Variants in RASGRF2 observed in about 807,000 individuals in gnomAD.
RASGRF2 encodes ras-specific guanine nucleotide-releasing factor 2.
Under a neutral mutation model 151.0 loss-of-function variants are expected in RASGRF2, and 76 were observed. The ratio of observed to expected loss-of-function variants is 0.50; its 90% CI spans 0.42 to 0.61. The LOEUF (loss-of-function observed/expected upper bound fraction) is 0.61, where lower values mean the gene tolerates loss of function less well. RASGRF2 is among the 20% of genes least tolerant of loss of function. RASGRF2 has a pLI of 0.00. For missense variants in RASGRF2, 1,148 were observed against 1,564.6 expected (o/e 0.73, Z 4.49); for synonymous variants, 504 against 566.5 (o/e 0.89, Z 1.57).
rs774591524 is a variant in RASGRF2, at chr5:81,086,940, G to C, written c.1377G>C (p.Thr459=). 2 of 1,613,396 alleles carry C rather than the reference G, an allele frequency of 1.2e-6. No individual in the cohort carries two copies. The highest frequency in any genetic ancestry group is 1.7e-6 in the Non-Finnish European group (2 of 1,179,354). Residue 459 remains threonine, a synonymous_variant, in exon 9 of 27, where the codon ACG becomes ACC. Transcript: ENST00000265080. ...ACATCTTGCTGGACACCAGCCAAAC[G>C]TTCATCCGCCAAGGTAAGTCCCTGT... ...GCDILLDTSQ[T]FIRQGSLIQV...
chr5:81,074,322 G>C (rs1010593991), intron 5 of RASGRF2, among the ~76,000 whole-genome samples: 8 of 152,124 alleles, frequency 5.3e-5, no homozygotes, highest in African/African-American at 1.9e-4. Context: ...ATAAAGAAGG[G>C]AATGGGAGAA....
intron 2 of RASGRF2, among the ~76,000 whole-genome samples, chr5:81,057,014 ATGTG>A (rs1252068266): frequency 6.6e-6 from 1 of 152,008 alleles, no homozygotes; most frequent in Non-Finnish European, 1.5e-5. Flanking sequence ...TTTTGAGCCT[ATGTG>A]TGTCTCTGCA....
chr5:80,977,924 T>TG (rs1359123147), intron 1 of RASGRF2, among the ~76,000 whole-genome samples: 1 of 152,200 alleles, frequency 6.6e-6, no homozygotes, highest in Non-Finnish European at 1.5e-5. Flanking sequence ...AGCATGTTTA[T>TG]GAGTCTGGGG....
At chr5:81,018,085 G>A (rs976424171) in intron 1 of RASGRF2, among the ~76,000 whole-genome samples, 19 of 151,446 alleles carry the variant, frequency 1.3e-4, no homozygotes, top group African/African-American at 4.4e-4. Context: ...CTCCAGCCTG[G>A]ATGACAGAGC....
At chr5:80,988,008 CGTGT>C (rs58750663) in intron 1 of RASGRF2, among the ~76,000 whole-genome samples, 13,579 of 139,310 alleles carry the variant, frequency 0.097, 635 homozygotes, top group African/African-American at 0.12. Context: ...AATAAATGTG[CGTGT>C]GTGTGTGTGT....
At chr5:81,074,721 A>C (rs756291948) in intron 5 of RASGRF2, among the ~76,000 whole-genome samples, 2 of 152,192 alleles carry the variant, frequency 1.3e-5, no homozygotes, top group Non-Finnish European at 2.9e-5. Flanking sequence ...CAATCTGTGA[A>C]TGTACCATAG....
intron 12 of RASGRF2, among the ~76,000 whole-genome samples, chr5:81,102,314 C>G (rs997510352): frequency 6.6e-6 from 1 of 152,100 alleles, no homozygotes; most frequent in Non-Finnish European, 1.5e-5. Flanking sequence ...AAAAAAGAAC[C>G]TAAAAAACTG....
chr5:81,027,902 C>T (rs539426875), intron 1 of RASGRF2, among the ~76,000 whole-genome samples: 3 of 152,226 alleles, frequency 2.0e-5, no homozygotes, highest in Non-Finnish European at 2.9e-5. Context: ...ATGTTGAGGT[C>T]GTCCTGGAGC....
At chr5:80,965,986 T>C (rs1747709068) in intron 1 of RASGRF2, among the ~76,000 whole-genome samples, 1 of 152,166 alleles carries the variant, frequency 6.6e-6, no homozygotes, top group African/African-American at 2.4e-5. Context: ...ACCAACCATA[T>C]GGATTTGCTC....
intron 1 of RASGRF2, among the ~76,000 whole-genome samples, chr5:81,026,013 TCCCTCCTTCCTTCC>T: frequency 1.3e-5 from 1 of 74,626 alleles, no homozygotes; most frequent in African/African-American, 5.7e-5. Flanking sequence ...CTTTCTTCCT[TCCCTCCTTCCTTCC>T]ATCCTTCCCT....
At chr5:81,197,709 G>A (rs1448649366) in intron 18 of RASGRF2, among the ~76,000 whole-genome samples, 3 of 152,128 alleles carry the variant, frequency 2.0e-5, no homozygotes, top group African/African-American at 2.4e-5. Context: ...CAGAATGTCA[G>A]TGCTTCAAAA....
At chr5:81,148,714 C>A (rs1580359458) in intron 17 of RASGRF2, among the ~76,000 whole-genome samples, 1 of 151,476 alleles carries the variant, frequency 6.6e-6, no homozygotes, top group African/African-American at 2.4e-5. Context: ...AGGAGATATA[C>A]CTAATGCGAA....
intron 17 of RASGRF2, among the ~76,000 whole-genome samples, chr5:81,171,529 A>C (rs995041264): frequency 7.2e-6 from 1 of 138,464 alleles, no homozygotes; most frequent in African/African-American, 2.7e-5. Context: ...CAGAAAATTC[A>C]AAGTGTGTTC....
intron 2 of RASGRF2, among the ~76,000 whole-genome samples, chr5:81,064,761 C>A (rs559927715): frequency 1.6e-4 from 24 of 152,270 alleles, no homozygotes; most frequent in Middle Eastern, 6.8e-3. Flanking sequence ...TAATTCTATA[C>A]CCTTTAGCCC....
At chr5:81,086,517 C>T (rs1019963186) in intron 8 of RASGRF2, among the ~76,000 whole-genome samples, 3 of 152,166 alleles carry the variant, frequency 2.0e-5, no homozygotes, top group Non-Finnish European at 4.4e-5. Flanking sequence ...AGTCTGCCTC[C>T]AAGAAATGGC....
intron 1 of RASGRF2, among the ~76,000 whole-genome samples, chr5:81,003,098 C>T (rs959257473): frequency 2.0e-5 from 3 of 152,060 alleles, no homozygotes; most frequent in Non-Finnish European, 4.4e-5. Flanking sequence ...GCTCTGTTGC[C>T]TAGGCTAGAG....
intron 6 of RASGRF2, 97 bp downstream of exon 6, chr5:81,080,297 A>C: frequency 6.6e-7 from 1 of 1,522,854 alleles, no homozygotes; most frequent in Non-Finnish European, 8.7e-7. Context: ...TGTTTGCATC[A>C]CCCTGTTGAC....
At chr5:81,019,909 A>G (rs1275377753) in intron 1 of RASGRF2, among the ~76,000 whole-genome samples, 1 of 152,244 alleles carries the variant, frequency 6.6e-6, no homozygotes, top group East Asian at 1.9e-4. Context: ...TGGCAATACC[A>G]TTCTCTGGAA....
intron 2 of RASGRF2, among the ~76,000 whole-genome samples, chr5:81,062,369 A>G (rs961889480): frequency 2.6e-5 from 4 of 152,178 alleles, no homozygotes; most frequent in Non-Finnish European, 4.4e-5. Flanking sequence ...CATAACTTAA[A>G]ATAATATAAT....
Sources: allele counts gnomAD v4.1 joint callset (sites outside exome capture counted in the v4.1 genomes callset), GRCh38; gene constraint gnomAD v4.1.1; transcripts MANE v1.5; gene names NCBI Gene and HGNC (gene_info 2026-07-23, HGNC 2026-07-21).